ANKS1B: variants seen among roughly 807,000 people sequenced by gnomAD.
The protein encoded by ANKS1B is ankyrin repeat and sterile alpha motif domain containing 1B.
ANKS1B carries 36 observed loss-of-function variants against 148.3 expected under a neutral mutation model. The observed-to-expected ratio is 0.24, with a 90% confidence interval of 0.19 to 0.32. The LOEUF (loss-of-function observed/expected upper bound fraction) is 0.32. ANKS1B is among the 10% of genes least tolerant of loss of function. The pLI is 1.00. For synonymous variants in ANKS1B, 542 were observed against 560.8 expected, an observed-to-expected ratio of 0.97 and a Z score of 0.47; for missense variants, 1,157 against 1,542.6, an observed-to-expected ratio of 0.75 and a Z score of 4.19.
intron 17 of ANKS1B, among the ~76,000 whole-genome samples, chr12:98,976,075 C>T (rs1289901295): frequency 6.6e-6 from 1 of 152,270 alleles, no homozygotes. Flanking sequence ...AAAGTGAAAA[C>T]AATCATGTCT....
At chr12:99,346,663 G>A (rs1297536029) in intron 12 of ANKS1B, among the ~76,000 whole-genome samples, 1 of 151,962 alleles carries the variant, frequency 6.6e-6, no homozygotes, top group African/African-American at 2.4e-5. Flanking sequence ...CAGAAACAAA[G>A]TTACTGAAAT....
chr12:99,092,779 A>G (rs2153651855), intron 15 of ANKS1B, among the ~76,000 whole-genome samples: 1 of 152,312 alleles, frequency 6.6e-6, no homozygotes, highest in South Asian at 2.1e-4. Flanking sequence ...AGCCACATAT[A>G]ATGACGCAGA....
chr12:99,490,967 T>C (rs1043058591), intron 10 of ANKS1B, among the ~76,000 whole-genome samples: 25 of 152,344 alleles, frequency 1.6e-4, no homozygotes, highest in African/African-American at 6.0e-4. Flanking sequence ...TATTTCCCAA[T>C]TAATGTTGTA....
intron 8 of ANKS1B, among the ~76,000 whole-genome samples, chr12:99,660,278 CTGA>C (rs1166573921): frequency 6.6e-6 from 1 of 152,048 alleles, no homozygotes; most frequent in African/African-American, 2.4e-5. Context: ...CTCTACTTGC[CTGA>C]TGACTTTCTC....
At chr12:99,189,783 G>C (rs1414553723) in intron 14 of ANKS1B, among the ~76,000 whole-genome samples, 1 of 152,172 alleles carries the variant, frequency 6.6e-6, no homozygotes, top group Non-Finnish European at 1.5e-5. Flanking sequence ...ATGGGCACAA[G>C]AGAAGGATGC....
chr12:99,403,438 T>C (rs951991281), intron 11 of ANKS1B, among the ~76,000 whole-genome samples: 1 of 143,794 alleles, frequency 7.0e-6, no homozygotes, highest in Non-Finnish European at 1.5e-5. Context: ...ATTACAGGCG[T>C]GAACGACCAT....
At chr12:99,931,883 A>G (rs2094625865) in intron 1 of ANKS1B, among the ~76,000 whole-genome samples, 1 of 151,978 alleles carries the variant, frequency 6.6e-6, no homozygotes, top group Non-Finnish European at 1.5e-5. Flanking sequence ...ATTCCCTCTA[A>G]TTATATTTTT....
chr12:98,871,273 T>C (rs376911044), intron 17 of ANKS1B, among the ~76,000 whole-genome samples: 14 of 152,352 alleles, frequency 9.2e-5, no homozygotes, highest in Admixed American at 2.6e-4. Flanking sequence ...TAATTTTCTC[T>C]CTTCCCTCAT....
chr12:99,874,032 T>TATATATATATATATATATATATAC (rs2091835335), intron 1 of ANKS1B, among the ~76,000 whole-genome samples: 1 of 151,004 alleles, frequency 6.6e-6, no homozygotes, highest in African/African-American at 2.5e-5. Context: ...CATATATATA[T>TATATATATATATATATATATATAC]ATATATATCC....
chr12:99,815,284 A>C (rs1206602745), intron 2 of ANKS1B, among the ~76,000 whole-genome samples: 2 of 151,774 alleles, frequency 1.3e-5, no homozygotes, highest in African/African-American at 2.4e-5. Flanking sequence ...TCTATTTTGA[A>C]AACTGACTTA....
intron 17 of ANKS1B, among the ~76,000 whole-genome samples, chr12:98,900,974 C>A (rs961372395): frequency 1.3e-5 from 2 of 152,194 alleles, no homozygotes; most frequent in African/African-American, 4.8e-5. Flanking sequence ...CTGGCCTAGG[C>A]AGTTCTCTTT....
intron 17 of ANKS1B, among the ~76,000 whole-genome samples, chr12:98,918,768 A>G (rs1290324557): frequency 3.9e-5 from 6 of 152,214 alleles, no homozygotes; most frequent in Non-Finnish European, 8.8e-5. Flanking sequence ...AACGGTAGTA[A>G]CTACCTTTTT....
At chr12:99,914,455 C>T (rs568140219) in intron 1 of ANKS1B, among the ~76,000 whole-genome samples, 4 of 152,186 alleles carry the variant, frequency 2.6e-5, no homozygotes, top group African/African-American at 9.6e-5. Flanking sequence ...GTTAACTACT[C>T]GAGAAGCTTT....
chr12:98,951,052 T>C (rs1177141778), intron 17 of ANKS1B, among the ~76,000 whole-genome samples: 1 of 152,186 alleles, frequency 6.6e-6, no homozygotes, highest in African/African-American at 2.4e-5. Context: ...TGAAATTACA[T>C]GCAGAATTTC....
chr12:99,634,303 A>AC (rs1433487879), intron 9 of ANKS1B, among the ~76,000 whole-genome samples: 4 of 151,960 alleles, frequency 2.6e-5, no homozygotes, highest in African/African-American at 7.3e-5. Flanking sequence ...AGGAAGAGAG[A>AC]CCTGAGAGAG....
chr12:99,796,049 G>A (rs1451042207), intron 4 of ANKS1B, among the ~76,000 whole-genome samples: 1 of 151,886 alleles, frequency 6.6e-6, no homozygotes, highest in Non-Finnish European at 1.5e-5. Flanking sequence ...CTTCTCTTTG[G>A]AATATGCAAA....
intron 14 of ANKS1B, among the ~76,000 whole-genome samples, chr12:99,156,720 CTCTG>C (rs1284123281): frequency 3.3e-5 from 5 of 152,172 alleles, no homozygotes; most frequent in African/African-American, 1.2e-4. Flanking sequence ...TCTCTTTCTT[CTCTG>C]TCTTAAATGG....
chr12:98,771,287 C>T (rs1262107299), intron 25 of ANKS1B, among the ~76,000 whole-genome samples: 2 of 151,986 alleles, frequency 1.3e-5, no homozygotes, highest in Admixed American at 6.6e-5. Context: ...CTCTCATCAG[C>T]CTCCTGAGCA....
At chr12:99,505,918 C>T (rs2096707301) in intron 9 of ANKS1B, among the ~76,000 whole-genome samples, 1 of 152,048 alleles carries the variant, frequency 6.6e-6, no homozygotes, top group South Asian at 2.1e-4. Flanking sequence ...GTGCTCAGAA[C>T]ACTTACATTA....
Sources: allele counts gnomAD v4.1 joint callset (sites outside exome capture counted in the v4.1 genomes callset), GRCh38; gene constraint gnomAD v4.1.1; transcripts MANE v1.5; gene names NCBI Gene and HGNC (gene_info 2026-07-23, HGNC 2026-07-21).